Variants in SIN3B observed in about 807,000 individuals in gnomAD.
SIN3B encodes the protein paired amphipathic helix protein Sin3b.
SIN3B carries 19 observed loss-of-function variants against 120.2 expected under a neutral mutation model. The observed-to-expected ratio is 0.16, with a 90% CI of 0.11 to 0.23. The LOEUF (loss-of-function observed/expected upper bound fraction) is 0.23. Ranked by LOEUF, SIN3B falls within the 10% of genes least tolerant of loss-of-function variation. The pLI, the probability that SIN3B is intolerant of heterozygous loss-of-function variation, is 1.00. For synonymous variants in SIN3B, 654 were observed against 653.2 expected (o/e 1.00, Z -0.02); for missense variants, 1,073 against 1,573.0 (o/e 0.68, Z 5.38).
chr19:16,862,209 C>T lies in SIN3B; in HGVS notation c.1059-143C>T. 3.0e-6 allele frequency: 2 copies of T among 675,030 alleles called. No homozygotes were observed. The highest frequency in any genetic ancestry group is 3.8e-5 in the South Asian group (2 of 52,840). The allele number at this position is 675,030 out of a possible 1,614,324, so 41.8% of individuals were successfully genotyped here. A position where few individuals can be genotyped will look rare whatever the true frequency, so the allele number is the denominator to read the frequency against. On this transcript the variant is annotated intron_variant, in intron 8 of 18. Transcript: ENST00000248054. The surrounding 1 kb of genome is among the most constrained non-coding windows in gnomAD (Gnocchi z 4.7). ...GCAGTGACTTCCTGTGTATTGGATT[C>T]TTCCGCCTCTCATTCGCATCCATGA...
At position 16,876,421 on chromosome 19, in the gene SIN3B, CGA is replaced by C; in HGVS notation, c.2767-63_2767-62del. ...CAAAGGCGGGAGGCGGGTGGCCTTG[CGA>C]GCCTGCGCTGTGCCGGCTGGGCTGT... On this transcript the variant is annotated intron_variant, in intron 15 of 18. Coordinates refer to ENST00000248054, the MANE Select transcript of SIN3B (RefSeq NM_001297595.2). This position sits in a 1 kb window ranked among gnomAD's most constrained non-coding sequence, Gnocchi z 7.1. The C allele has an allele frequency of 6.5e-7, 1 of 1,537,278 alleles. No individual in the cohort carries two copies. Among genetic ancestry groups the C allele is most frequent in the Non-Finnish European group, 8.9e-7 (1 of 1,120,940 alleles).
intron 4 of SIN3B, chr19:16,846,435 A>G (rs1056598590): frequency 6.6e-6 from 1 of 152,420 alleles, no homozygotes; most frequent in Non-Finnish European, 1.5e-5. Context: ...TCTTGGGTGT[A>G]AAATTGATAC....
Position 16,876,078 on chromosome 19 carries a change from C to A in SIN3B, c.2616C>A (p.Asp872Glu). ...AGCTGCACCACCTCGTGAGCGATGA[C>A]GTCTGCCTGAAGGTGGTGGAGCTCT... The part of the protein sequence containing the change: ...ARQLHHLVSD[D>E]VCLKVVELYL... Residue 872 changes from aspartate (D) to glutamate (E), a missense_variant, in exon 15 of 19, where the codon GAC becomes GAA. Asp to Glu is a conservative substitution (Grantham distance 45, BLOSUM62 2). Coordinates refer to ENST00000248054, the MANE Select transcript of SIN3B (RefSeq NM_001297595.2). This position sits in a 1 kb window ranked among gnomAD's most constrained non-coding sequence, Gnocchi z 7.1. 1 of 1,575,526 alleles carries A rather than the reference C, an allele frequency of 6.3e-7. No homozygotes were observed. Among genetic ancestry groups the A allele is most frequent in the Non-Finnish European group, 8.6e-7 (1 of 1,161,280 alleles).
intron 14 of SIN3B, among the ~76,000 whole-genome samples, chr19:16,873,108 A>C (rs1023159410): frequency 1.3e-5 from 2 of 150,212 alleles, no homozygotes; most frequent in African/African-American, 4.9e-5. Context: ...GCGTCTCTCC[A>C]TCAGCTGGGA....
intron 8 of SIN3B, among the ~76,000 whole-genome samples, chr19:16,859,962 CT>C (rs1290951531): frequency 1.3e-5 from 2 of 152,292 alleles, no homozygotes; most frequent in Middle Eastern, 3.4e-3. Flanking sequence ...TACCTCCCTC[CT>C]GGGTTTATCA....
chr19:16,858,512 A>G (rs558240186), intron 8 of SIN3B, among the ~76,000 whole-genome samples: 10 of 152,150 alleles, frequency 6.6e-5, no homozygotes, highest in African/African-American at 2.2e-4. Context: ...TAGCATCTTA[A>G]TGAATTCATG....
intron 3 of SIN3B, among the ~76,000 whole-genome samples, chr19:16,840,295 TATAAG>T (rs1490094684): frequency 7.9e-5 from 12 of 152,136 alleles, no homozygotes; most frequent in South Asian, 2.1e-4. Flanking sequence ...TTGGTGTCCT[TATAAG>T]AGAGGAGATT....
At chr19:16,868,366 G>T (rs1456463639) in intron 12 of SIN3B, among the ~76,000 whole-genome samples, 3 of 152,184 alleles carry the variant, frequency 2.0e-5, no homozygotes, top group Non-Finnish European at 2.9e-5. Flanking sequence ...TCGGGAGCCT[G>T]CAGAGATGGC....
intron 3 of SIN3B, among the ~76,000 whole-genome samples, chr19:16,832,191 C>T (rs1224191440): frequency 1.6e-5 from 2 of 125,462 alleles, no homozygotes; most frequent in African/African-American, 6.0e-5. Flanking sequence ...TGCTGGCCCT[C>T]TTTTTTTTTT....
At position 16,838,800 on chromosome 19, in the gene SIN3B, T is replaced by C. The variant is rs147299517; in HGVS notation, c.382-2968T>C. 5.9e-5 allele frequency among the ~76,000 whole-genome samples: 9 copies of C among 152,096 alleles called. No individual in the cohort carries two copies. The East Asian group carries it at 1.7e-3, about 29-fold the overall frequency. On this transcript the variant is annotated intron_variant, in intron 3 of 18. Coordinates refer to ENST00000248054, the MANE Select transcript of SIN3B (RefSeq NM_001297595.2). ...AATTCTCCTGCTTCAGCCTTCCAAG[T>C]AGCCGGGATTACAAGTTCCCACCAC...
chr19:16,866,586 T>C (rs878924354), intron 12 of SIN3B, 30 bp downstream of exon 12: 2 of 1,606,336 alleles, frequency 1.2e-6, no homozygotes, highest in Admixed American at 3.4e-5. Flanking sequence ...TGCCGGCCGG[T>C]GGGGGTGGGG....
At chr19:16,867,987 G>A (rs531646840) in intron 12 of SIN3B, among the ~76,000 whole-genome samples, 2 of 152,292 alleles carry the variant, frequency 1.3e-5, no homozygotes, top group Admixed American at 6.5e-5. Flanking sequence ...CCCTGGGGCT[G>A]GGGCTGACAA....
intron 3 of SIN3B, 73 bp from the exon 4 acceptor site, chr19:16,841,695 T>A: frequency 7.2e-7 from 1 of 1,387,774 alleles, no homozygotes; most frequent in Non-Finnish European, 1.0e-6. Context: ...GTGCAGACAG[T>A]GGCTGGGCCT....
intron 11 of SIN3B, 68 bp from the exon 12 acceptor site, chr19:16,866,305 C>T (rs1159197987): frequency 4.7e-6 from 7 of 1,491,918 alleles, no homozygotes; most frequent in South Asian, 3.9e-5. Context: ...GAAGACAGGC[C>T]AGCCCTGGGA....
intron 12 of SIN3B, among the ~76,000 whole-genome samples, chr19:16,867,497 C>T (rs1429864749): frequency 1.3e-5 from 2 of 152,060 alleles, no homozygotes; most frequent in African/African-American, 2.4e-5. Context: ...GGGTGCCGGG[C>T]GTGGTGATAG....
At chr19:16,829,986 C>A in intron 2 of SIN3B, 89 bp downstream of exon 2, 1 of 852,660 alleles carries the variant, frequency 1.2e-6, no homozygotes, top group Non-Finnish European at 2.0e-6. Context: ...CCAGCCTGCC[C>A]CCTTAGCCGG....
rs1318880676 is a variant in SIN3B at position 16,869,646 on chromosome 19, AGC to A, written c.1994_1995del (p.Ser665ThrfsTer17). The A allele has an allele frequency of 6.2e-7, 1 of 1,613,558 alleles. No individual in the cohort carries two copies. Among genetic ancestry groups the A allele is most frequent in the East Asian group, 2.2e-5 (1 of 44,898 alleles). ...IHQLLHQFVP[S>X]LFFSQQLDLG... ...CCAGCTGCTGCACCAGTTCGTGCCC[AGC>A]CTCTTCTTCTCTCAGCAGCTGGACC... On this transcript the variant is annotated frameshift_variant, in exon 13 of 19. Coordinates refer to ENST00000248054, the MANE Select transcript of SIN3B (RefSeq NM_001297595.2). LOFTEE classifies it high-confidence loss of function.
intron 4 of SIN3B, among the ~76,000 whole-genome samples, chr19:16,843,069 G>A (rs706760): frequency 0.65 from 98,671 of 152,074 alleles, 32,768 homozygotes; most frequent in African/African-American, 0.78. Context: ...AGTCTCTAAC[G>A]CTTGGAATTT....
At chr19:16,831,297 A>G (rs536894874) in intron 2 of SIN3B, among the ~76,000 whole-genome samples, 197 bp from the exon 3 acceptor site, 1 of 152,206 alleles carries the variant, frequency 6.6e-6, no homozygotes, top group East Asian at 1.9e-4. Flanking sequence ...TCTTGACCTC[A>G]GGTGATCTGC....
Sources: gnomAD v4.1 joint callset for allele counts (sites outside exome capture counted in the v4.1 genomes callset) on GRCh38, gnomAD v4.1.1 for gene constraint, Gnocchi (gnomAD v3.1) non-coding constraint, MANE v1.5 for transcripts, NCBI Gene and HGNC (gene_info 2026-07-23, HGNC 2026-07-21) for gene names.